The following CD58 variants were observed in gnomAD, a reference collection of about 807,000 sequenced individuals.
The protein encoded by CD58 is lymphocyte function-associated antigen 3.
Under a neutral mutation model 27.6 loss-of-function variants are expected in CD58, and 14 were observed. That is an observed-to-expected ratio of 0.51 (90% CI 0.34 to 0.79). The LOEUF (loss-of-function observed/expected upper bound fraction) is 0.79, where lower values mean the gene tolerates loss of function less well. CD58 is among the 30% of genes least tolerant of loss of function. The pLI, the probability that CD58 is intolerant of heterozygous loss-of-function variation, is 0.02. For synonymous variants in CD58, 117 were observed against 103.8 expected, an observed-to-expected ratio of 1.13 and a Z score of -0.77; for missense variants, 268 against 301.7, an observed-to-expected ratio of 0.89 and a Z score of 0.83.
chr1:116,567,224 G>C (rs1324520160), intron 1 of CD58, among the ~76,000 whole-genome samples: 1 of 125,528 alleles, frequency 8.0e-6, no homozygotes, highest in Non-Finnish European at 1.7e-5. Flanking sequence ...AAGGGAGGGG[G>C]AGGGGAGGGA....
chr1:116,531,368 C>G lies in CD58; in HGVS notation c.628+4597G>C, dbSNP rs1344880185. Among the ~76,000 whole-genome samples, 1 of 152,258 alleles carries G rather than the reference C, an allele frequency of 6.6e-6. No individual in the cohort carries two copies. The highest frequency in any genetic ancestry group is 1.5e-5 in the Non-Finnish European group (1 of 68,034). On this transcript the variant is annotated intron_variant, in intron 3 of 5. Coordinates refer to ENST00000369489, the MANE Select transcript of CD58 (RefSeq NM_001779.3). The surrounding 1 kb of genome is among the most constrained non-coding windows in gnomAD (Gnocchi z 4.5). The stretch of plus-strand genomic sequence containing the variant: ...CACTTAAAACTTTTCAAGATTTCAA[C>G]TTGCTTGCTCTGTCTATATGTGGTC...
chr1:116,537,567 C>G (rs1657853751), intron 2 of CD58, among the ~76,000 whole-genome samples: 1 of 152,172 alleles, frequency 6.6e-6, no homozygotes, highest in East Asian at 1.9e-4. Context: ...ACAGACCTGC[C>G]TGTCCAGAGG....
rs200385288 is a variant in CD58 at position 116,523,650 on chromosome 1, G to C, written c.629-1667C>G. Reference sequence around the variant, plus strand: ...TCCCTTAGGTGGCATACGATGCCTGGTTGCTTTTCTTTTCATGATGTCAGT... The same window carrying C: ...TCCCTTAGGTGGCATACGATGCCTGCTTGCTTTTCTTTTCATGATGTCAGT... On this transcript the variant is annotated intron_variant, in intron 3 of 5. Transcript: ENST00000369489. The surrounding 1 kb of genome is among the most constrained non-coding windows in gnomAD (Gnocchi z 4.4). Among the ~76,000 whole-genome samples the C allele has an allele frequency of 2.6e-5, 4 of 152,132 alleles. No individual in the cohort carries two copies. In the East Asian group the frequency reaches 7.7e-4, roughly 29 times the overall value.
intron 2 of CD58, among the ~76,000 whole-genome samples, chr1:116,543,250 C>T (rs1375333856): frequency 2.6e-5 from 4 of 151,926 alleles, no homozygotes. Flanking sequence ...GCAGCAGGGA[C>T]ATCAGGTGTG....
chr1:116,565,700 C>CT (rs929607439), intron 1 of CD58, among the ~76,000 whole-genome samples: 9 of 149,934 alleles, frequency 6.0e-5, no homozygotes, highest in South Asian at 4.2e-4. Flanking sequence ...ATCCAAATAA[C>CT]TTTTTTTTGT....
At chr1:116,530,548 C>T (rs1203193185) in intron 3 of CD58, among the ~76,000 whole-genome samples, 9 of 152,104 alleles carry the variant, frequency 5.9e-5, no homozygotes, top group Non-Finnish European at 4.4e-5. Flanking sequence ...ACTGTCTGGC[C>T]AATCTAAAAT....
intron 3 of CD58, among the ~76,000 whole-genome samples, chr1:116,529,265 A>C (rs7522525): frequency 6.6e-6 from 1 of 152,160 alleles, no homozygotes; most frequent in Non-Finnish European, 1.5e-5. Context: ...TGACCTTGAG[A>C]TCTCTGAACA....
At chr1:116,553,373 A>G (rs1456503614) in intron 1 of CD58, among the ~76,000 whole-genome samples, 1 of 152,164 alleles carries the variant, frequency 6.6e-6, no homozygotes, top group Non-Finnish European at 1.5e-5. Context: ...AGATAGCAAG[A>G]GATCCATCAG....
rs1657672323 is a variant in CD58, at chr1:116,533,148, G to A, written c.628+2817C>T. 8.0e-6 allele frequency: 6 copies of A among 753,612 alleles called. No individual in the cohort carries two copies. The East Asian group carries it at 1.3e-4, about 16-fold the overall frequency. The allele number at this position is 753,612 out of a possible 1,614,324, so 46.7% of individuals were successfully genotyped here. On this transcript the variant is annotated intron_variant, in intron 3 of 5. Transcript: ENST00000369489. ...AAAGTGTCCAATTTCAAAATCAGAG[G>A]CTAATACGAATTCAGAATCTTTATC...
intron 5 of CD58, chr1:116,518,834 G>A: frequency 1.1e-5 from 11 of 1,027,442 alleles, no homozygotes; most frequent in Non-Finnish European, 1.3e-5. Context: ...TGGGATGGGA[G>A]GTGGAGGGAG....
intron 2 of CD58, among the ~76,000 whole-genome samples, chr1:116,542,201 C>T (rs1658010223): frequency 6.6e-6 from 1 of 152,156 alleles, no homozygotes; most frequent in South Asian, 2.1e-4. Context: ...TCACTTGAAC[C>T]CGGGAGGCAT....
Position 116,519,082 on chromosome 1 carries a change from C to G in CD58, c.743+149G>C. 6.9e-7 allele frequency: 1 copy of G among 1,456,476 alleles called. No individual in the cohort carries two copies. Among genetic ancestry groups the G allele is most frequent in the East Asian group, 2.5e-5 (1 of 40,272 alleles). 90.2% of individuals were successfully genotyped at this position (1,456,476 alleles called of 1,614,324 possible). A position where few individuals can be genotyped will look rare whatever the true frequency, so the allele number is the denominator to read the frequency against. ...CATGGCACACAGTTGGTACTTAATA[C>G]ACTATGGTTAGTATATCTGCTGATG... On this transcript the variant is annotated intron_variant, in intron 5 of 5. Transcript: ENST00000369489. This position sits in a 1 kb window ranked among gnomAD's most constrained non-coding sequence, Gnocchi z 4.7.
At chr1:116,543,114 G>A (rs942787153) in intron 2 of CD58, among the ~76,000 whole-genome samples, 2 of 152,184 alleles carry the variant, frequency 1.3e-5, no homozygotes, top group African/African-American at 4.8e-5. Context: ...GCAAAGCAGC[G>A]GACTTAATCT....
chr1:116,556,707 AG>A (rs1324365226), intron 1 of CD58, among the ~76,000 whole-genome samples: 3 of 152,222 alleles, frequency 2.0e-5, no homozygotes, highest in Admixed American at 6.5e-5. Flanking sequence ...GAGCAAACAA[AG>A]GAGTCACAAA....
Position 116,523,349 on chromosome 1 carries a change from C to T in CD58, c.629-1366G>A, listed in dbSNP as rs1445152479. Among the ~76,000 whole-genome samples, 1 of 150,700 alleles carries T rather than the reference C, an allele frequency of 6.6e-6. No homozygotes were observed. Among genetic ancestry groups the T allele is most frequent in the Non-Finnish European group, 1.5e-5 (1 of 67,726 alleles). On this transcript the variant is annotated intron_variant, in intron 3 of 5. Transcript: ENST00000369489. This position sits in a 1 kb window ranked among gnomAD's most constrained non-coding sequence, Gnocchi z 4.4. ...AGGATTGGGGAGGGGTCACTAAGAA[C>T]AAATGTGACATGGATATGGGAAAGG... is the stretch of plus-strand genomic sequence containing the variant.
At chr1:116,549,067 C>G (rs1169913359) in intron 1 of CD58, among the ~76,000 whole-genome samples, 8 of 152,344 alleles carry the variant, frequency 5.3e-5, no homozygotes. Context: ...CGTGGTCCCA[C>G]ATTCAGGATG....
In CD58 at chr1:116,519,065, A is replaced by G; in HGVS notation, c.743+166T>C. 3 of 1,405,460 alleles carry G rather than the reference A, an allele frequency of 2.1e-6. No individual in the cohort carries two copies. Among genetic ancestry groups the G allele is most frequent in the Non-Finnish European group, 2.8e-6 (3 of 1,060,776 alleles). 87.1% of individuals were successfully genotyped at this position (1,405,460 alleles called of 1,614,324 possible). On this transcript the variant is annotated intron_variant, in intron 5 of 5. Coordinates refer to ENST00000369489, the MANE Select transcript of CD58 (RefSeq NM_001779.3). This position sits in a 1 kb window ranked among gnomAD's most constrained non-coding sequence, Gnocchi z 4.7. ...GAGTGGCTAGTGCAGTGCATGGCACACAGTTGGTACTTAATACACTATGGT... is the reference window on the plus strand; with the variant it reads ...GAGTGGCTAGTGCAGTGCATGGCACGCAGTTGGTACTTAATACACTATGGT...
At chr1:116,535,899 A>G (rs537469272) in intron 3 of CD58, 66 bp downstream of exon 3, 1 of 1,029,120 alleles carries the variant, frequency 9.7e-7, no homozygotes, top group African/African-American at 1.6e-5. Context: ...CAAAATTGTG[A>G]ACCTTGTGTT....
In CD58 at chr1:116,524,602, A is replaced by G. The variant is rs1261407875; in HGVS notation, c.629-2619T>C. ...GCTACAATGTTTACTTAACCTAATC[A>G]ATTTACAGCTGAATCTCCTTTCTTT... On this transcript the variant is annotated intron_variant, in intron 3 of 5. Coordinates refer to ENST00000369489, the MANE Select transcript of CD58 (RefSeq NM_001779.3). This position sits in a 1 kb window ranked among gnomAD's most constrained non-coding sequence, Gnocchi z 4.6. 2.0e-5 allele frequency among the ~76,000 whole-genome samples: 3 copies of G among 152,222 alleles called. No homozygotes were observed. Among genetic ancestry groups the G allele is most frequent in the Non-Finnish European group, 4.4e-5 (3 of 68,040 alleles).
Sources: gnomAD v4.1 joint callset for allele counts (sites outside exome capture counted in the v4.1 genomes callset) on GRCh38, gnomAD v4.1.1 for gene constraint, Gnocchi (gnomAD v3.1) non-coding constraint, MANE v1.5 for transcripts, NCBI Gene and HGNC (gene_info 2026-07-23, HGNC 2026-07-21) for gene names.